The following LRRC37A2 variants were observed in gnomAD, a reference collection of about 807,000 sequenced individuals.
LRRC37A2 encodes leucine rich repeat containing 37 member A2, also known as leucine-rich repeat-containing protein 37A2.
A neutral mutation model predicts 68.8 loss-of-function variants in LRRC37A2; 9 were observed. The observed-to-expected ratio is 0.13, with a 90% CI of 0.08 to 0.23. The LOEUF is 0.23. Among genes scored for constraint, LRRC37A2 ranks in the 10% least tolerant of loss-of-function variants. The pLI is 1.00. For missense variants in LRRC37A2, 168 were observed against 950.4 expected (o/e 0.18, Z 10.82); for synonymous variants, 63 against 367.6 (o/e 0.17, Z 9.48).
At chr17:46,792,942 C>G in the LRRC37A2 span, among the ~76,000 whole-genome samples, 1 of 151,692 alleles carries the variant, frequency 6.6e-6, no homozygotes, top group African/African-American at 2.4e-5. Context: ...AGTCACATAG[C>G]TAGGAAATGG....
chr17:46,989,865 A>G, the LRRC37A2 span, among the ~76,000 whole-genome samples: 1 of 152,248 alleles, frequency 6.6e-6, no homozygotes, highest in Non-Finnish European at 1.5e-5. Flanking sequence ...GGTGCCTGAC[A>G]TTTAGGGAAA....
the LRRC37A2 span, among the ~76,000 whole-genome samples, chr17:46,808,761 A>G: frequency 3.4e-3 from 516 of 152,304 alleles, 1 homozygote; most frequent in African/African-American, 0.012. Context: ...GGAGGGGGAA[A>G]TAGTACACAA....
chr17:46,874,485 G>A, the LRRC37A2 span, among the ~76,000 whole-genome samples: 2 of 152,214 alleles, frequency 1.3e-5, no homozygotes, highest in African/African-American at 4.8e-5. Flanking sequence ...TCTCTGAGAG[G>A]TGAAGGCCGT....
At chr17:47,003,031 C>T in the LRRC37A2 span, among the ~76,000 whole-genome samples, 1 of 151,926 alleles carries the variant, frequency 6.6e-6, no homozygotes, top group East Asian at 1.9e-4. Flanking sequence ...CACTTGAGGC[C>T]AGGAGCTCGA....
At chr17:46,985,630 AG>A in the LRRC37A2 span, among the ~76,000 whole-genome samples, 1 of 151,896 alleles carries the variant, frequency 6.6e-6, no homozygotes, top group Non-Finnish European at 1.5e-5. Flanking sequence ...AGAATGAGAC[AG>A]GCATCCCAGG....
At chr17:46,794,415 C>A in the LRRC37A2 span, among the ~76,000 whole-genome samples, 2 of 152,146 alleles carry the variant, frequency 1.3e-5, no homozygotes, top group Non-Finnish European at 2.9e-5. Context: ...CCTGTCAGAG[C>A]TAGAAGGAGC....
At chr17:47,020,371 T>C in the LRRC37A2 span, among the ~76,000 whole-genome samples, 1 of 149,736 alleles carries the variant, frequency 6.7e-6, no homozygotes, top group Non-Finnish European at 1.5e-5. Flanking sequence ...ACATGATTAT[T>C]CAGTCCTTTA....
chr17:46,820,216 C>T, the LRRC37A2 span, among the ~76,000 whole-genome samples: 2 of 152,210 alleles, frequency 1.3e-5, no homozygotes, highest in Non-Finnish European at 2.9e-5. Context: ...GCTGCCGGCA[C>T]AGGGAGCGCG....
At chr17:46,884,839 G>T in the LRRC37A2 span, among the ~76,000 whole-genome samples, 1 of 152,156 alleles carries the variant, frequency 6.6e-6, no homozygotes, top group African/African-American at 2.4e-5. Flanking sequence ...TGGGAAGGGA[G>T]AGGCCGTGGA....
chr17:46,793,932 C>T, the LRRC37A2 span, among the ~76,000 whole-genome samples: 1,167 of 152,282 alleles, frequency 7.7e-3, 15 homozygotes, highest in African/African-American at 0.027. Context: ...CAGACCCCAC[C>T]CTCTGGAGAT....
the LRRC37A2 span, chr17:47,010,560 A>G: frequency 6.6e-6 from 1 of 152,154 alleles, no homozygotes; most frequent in Non-Finnish European, 1.5e-5. Flanking sequence ...TTTCCAGGAG[A>G]TGGATAATGT....
the LRRC37A2 span, among the ~76,000 whole-genome samples, chr17:46,967,610 A>T: frequency 2.0e-5 from 3 of 152,310 alleles, no homozygotes; most frequent in Admixed American, 6.5e-5. Context: ...TGGGTACAGC[A>T]TGGGGGCTGG....
chr17:46,813,099 C>T, the LRRC37A2 span, among the ~76,000 whole-genome samples: 2 of 151,930 alleles, frequency 1.3e-5, no homozygotes, highest in African/African-American at 4.8e-5. Context: ...AGGAGTGGGG[C>T]AGCCAGCTCT....
At chr17:46,761,053 CAAAAGA>C in the LRRC37A2 span, among the ~76,000 whole-genome samples, 1 of 151,912 alleles carries the variant, frequency 6.6e-6, no homozygotes, top group Non-Finnish European at 1.5e-5. Context: ...TAGCTTTATG[CAAAAGA>C]AAAATAAAAA....
intron 8 of LRRC37A2, among the ~76,000 whole-genome samples, chr17:46,545,834 C>G (rs2056227403): frequency 6.7e-6 from 1 of 150,106 alleles, no homozygotes; most frequent in Admixed American, 6.6e-5. Context: ...TTAAACTAAG[C>G]TATTTTTAAT....
the LRRC37A2 span, chr17:47,010,427 A>G: frequency 6.6e-6 from 1 of 152,412 alleles, no homozygotes; most frequent in Admixed American, 6.5e-5. Context: ...AAGGAAGGGA[A>G]CAGCCCGTGC....
At chr17:46,861,500 C>T in the LRRC37A2 span, among the ~76,000 whole-genome samples, 1 of 152,180 alleles carries the variant, frequency 6.6e-6, no homozygotes. Flanking sequence ...TCACCTAGGC[C>T]TGGCCAACTG....
At chr17:46,761,320 GT>G in the LRRC37A2 span, among the ~76,000 whole-genome samples, 7 of 148,616 alleles carry the variant, frequency 4.7e-5, no homozygotes, top group Middle Eastern at 3.2e-3. Context: ...TATTTTCCTG[GT>G]TTTTTTTTGT....
At chr17:46,873,508 T>C in the LRRC37A2 span, among the ~76,000 whole-genome samples, 1 of 152,288 alleles carries the variant, frequency 6.6e-6, no homozygotes, top group African/African-American at 2.4e-5. Context: ...AGGACACAGC[T>C]CCGGGTGGGT....
Sources: allele counts gnomAD v4.1 joint callset (sites outside exome capture counted in the v4.1 genomes callset), GRCh38; gene constraint gnomAD v4.1.1; transcripts MANE v1.5; gene names NCBI Gene and HGNC (gene_info 2026-07-23, HGNC 2026-07-21).